Variants in EIF4ENIF1 observed in about 807,000 individuals in gnomAD.
The protein encoded by EIF4ENIF1 is eukaryotic translation initiation factor 4E nuclear import factor 1.
Under a neutral mutation model 110.5 loss-of-function variants are expected in EIF4ENIF1, and 23 were observed. That is an observed-to-expected ratio of 0.21 (90% CI 0.15 to 0.29). The LOEUF is 0.29. EIF4ENIF1 is among the 10% of genes least tolerant of loss of function. The pLI is 1.00. For synonymous variants in EIF4ENIF1, 440 were observed against 437.0 expected (o/e 1.01, Z -0.09); for missense variants, 1,031 against 1,221.1 (o/e 0.84, Z 2.32).
intron 6 of EIF4ENIF1, among the ~76,000 whole-genome samples, chr22:31,459,285 C>T (rs964822587): frequency 6.6e-6 from 1 of 151,960 alleles, no homozygotes; most frequent in African/African-American, 2.4e-5. Flanking sequence ...TTGCAAGTCT[C>T]TTACTGCTTA....
chr22:31,438,475 A>G (rs963569383), downstream of EIF4ENIF1, among the ~76,000 whole-genome samples: 2 of 152,236 alleles, frequency 1.3e-5, no homozygotes, highest in East Asian at 3.8e-4. Context: ...CTCTGAGCTT[A>G]GAGAAACAGG....
intron 2 of EIF4ENIF1, among the ~76,000 whole-genome samples, chr22:31,487,139 C>T (rs964891541): frequency 3.3e-5 from 5 of 151,940 alleles, no homozygotes; most frequent in African/African-American, 1.2e-4. Flanking sequence ...TCAGAATTCA[C>T]CTGTCAGCAT....
intron 2 of EIF4ENIF1, among the ~76,000 whole-genome samples, chr22:31,474,241 A>G (rs757061826): frequency 1.8e-4 from 27 of 151,926 alleles, no homozygotes; most frequent in Non-Finnish European, 3.7e-4. Flanking sequence ...TTGTATTTTT[A>G]GTAGAGACGG....
chr22:31,491,481 C>T (rs150599196), upstream of EIF4ENIF1, among the ~76,000 whole-genome samples: 1,432 of 152,162 alleles, frequency 9.4e-3, 73 homozygotes, highest in Admixed American at 0.083. Context: ...CCTGGATCTC[C>T]CTTTCCTCAT....
chr22:31,450,742 TCATATATACACACATACATATATACATA>T, intron 10 of EIF4ENIF1: 1 of 138,656 alleles, frequency 7.2e-6, no homozygotes, highest in Non-Finnish European at 1.5e-5. Flanking sequence ...ACACACACAC[TCATATATACACACATACATATATACATA>T]CATATATACA....
chr22:31,440,714 T>G lies in EIF4ENIF1; in HGVS notation c.2706A>C (p.Leu902=). The G allele has an allele frequency of 6.2e-7, 1 of 1,613,862 alleles. No homozygotes were observed. Among genetic ancestry groups the G allele is most frequent in the Non-Finnish European group, 8.5e-7 (1 of 1,179,820 alleles). ...CATTCCTGAACCTACCTGAGCGCTG[T>G]AGCTGCTGTTGCACCATTGCCAGAT... ...PLHLAMVQQQ[L]QRSVLHPPGS... Residue 902 remains leucine (L), a synonymous_variant, in exon 18 of 19, where the codon CTA becomes CTC. Transcript: ENST00000330125.
At chr22:31,490,978 A>G (rs918950054), upstream of EIF4ENIF1, among the ~76,000 whole-genome samples, 1 of 152,170 alleles carries the variant, frequency 6.6e-6, no homozygotes, top group Admixed American at 6.5e-5. Context: ...TTGGCAACAG[A>G]AAACTTTTCG....
chr22:31,447,526 G>A lies in EIF4ENIF1; in HGVS notation c.1888C>T (p.Leu630=). 3.1e-6 allele frequency: 5 copies of A among 1,612,010 alleles called. No homozygotes were observed. Among genetic ancestry groups the A allele is most frequent in the Non-Finnish European group, 3.4e-6 (4 of 1,178,884 alleles). Residue 630 remains leucine (L), a synonymous_variant, in exon 14 of 19, where the codon CTG becomes TTG. Transcript: ENST00000330125. The part of the protein sequence containing the change: ...LELQQAALEG[L]ALPHDLAVQA... Reference sequence around the variant, plus strand: ...ACAGCAAGGTCATGTGGCAAGGCCAGCCCTTCTAAAGCTGCCTGTTGCAAC... The same window carrying A: ...ACAGCAAGGTCATGTGGCAAGGCCAACCCTTCTAAAGCTGCCTGTTGCAAC...
intron 10 of EIF4ENIF1, among the ~76,000 whole-genome samples, chr22:31,452,836 T>G (rs1017554784): frequency 3.3e-5 from 5 of 152,234 alleles, no homozygotes; most frequent in African/African-American, 1.2e-4. Context: ...AAGAAGTCAG[T>G]CTACCTATCT....
At chr22:31,450,503 G>A (rs2050613160) in intron 10 of EIF4ENIF1, 143 bp from the exon 11 acceptor site, 7 of 585,424 alleles carry the variant, frequency 1.2e-5, no homozygotes, top group African/African-American at 1.9e-5. Context: ...TTAGACCAAC[G>A]TGTTCCGCTC....
upstream of EIF4ENIF1, among the ~76,000 whole-genome samples, chr22:31,490,188 G>T (rs76857900): frequency 6.6e-6 from 1 of 152,248 alleles, no homozygotes; most frequent in Admixed American, 6.5e-5. Context: ...GCGACTCGCG[G>T]CACGCCACTC....
chr22:31,484,779 C>T (rs527588792), intron 2 of EIF4ENIF1, among the ~76,000 whole-genome samples: 5 of 152,236 alleles, frequency 3.3e-5, no homozygotes, highest in East Asian at 1.9e-4. Flanking sequence ...TTGCGGTGAG[C>T]GGAGATGGCG....
At chr22:31,452,209 A>G (rs1422376553) in intron 10 of EIF4ENIF1, among the ~76,000 whole-genome samples, 1 of 152,234 alleles carries the variant, frequency 6.6e-6, no homozygotes, top group Non-Finnish European at 1.5e-5. Flanking sequence ...ATAGTATACA[A>G]AACATACACA....
At position 31,444,637 on chromosome 22, in the gene EIF4ENIF1, G is replaced by A. The variant is rs1307326470; in HGVS notation, c.2042C>T (p.Ser681Phe). ...PAPVHRGNSS[S>F]PAPAASITSM... ...TGTGATGGAGGCAGCAGGGGCAGGGGAAGAGGAATTCCCTCGATGCACGGG... is the reference window on the plus strand; with the variant it reads ...TGTGATGGAGGCAGCAGGGGCAGGGAAAGAGGAATTCCCTCGATGCACGGG... Residue 681 changes from serine (S) to phenylalanine (F), a missense_variant, in exon 15 of 19, where the codon TCC becomes TTC. Ser to Phe is a radical substitution (Grantham distance 155). Around this residue, in one of 3 missense-constraint regions of EIF4ENIF1, gnomAD observed 704 missense variants for 879.7 expected, o/e 0.80. Coordinates refer to ENST00000330125, the MANE Select transcript of EIF4ENIF1 (RefSeq NM_019843.4). 1.2e-6 allele frequency: 2 copies of A among 1,614,028 alleles called. No homozygotes were observed. Among genetic ancestry groups the A allele is most frequent in the Non-Finnish European group, 1.7e-6 (2 of 1,180,000 alleles).
chr22:31,463,713 G>A lies in EIF4ENIF1; in HGVS notation c.553C>T (p.Arg185Ter). Reference protein sequence around the residue: ...KDLRDLRDRDRERDFKDKRFR... With the variant: ...KDLRDLRDRD ...CGCTTGTCCTTGAAGTCCCTCTCTC[G>A]GTCTCTGTCTCTCAAGTCCCGCAGG... The change falls in exon 5 of 19, where the codon CGA becomes TGA. Residue 185 changes from arginine to a stop codon, truncating the protein, a stop_gained. Coordinates refer to ENST00000330125, the MANE Select transcript of EIF4ENIF1 (RefSeq NM_019843.4). LOFTEE classifies it high-confidence loss of function. 2 of 1,611,520 alleles carry A rather than the reference G, an allele frequency of 1.2e-6. No individual in the cohort carries two copies. Among genetic ancestry groups the A allele is most frequent in the Non-Finnish European group, 8.5e-7 (1 of 1,179,562 alleles).
At chr22:31,482,165 CAAA>C (rs34248099) in intron 2 of EIF4ENIF1, among the ~76,000 whole-genome samples, 11 of 115,150 alleles carry the variant, frequency 9.6e-5, no homozygotes, top group African/African-American at 2.5e-4. Context: ...GAGCCTGTCT[CAAA>C]AAAAAAAAAA....
At chr22:31,467,181 A>G (rs1341381781) in intron 4 of EIF4ENIF1, among the ~76,000 whole-genome samples, 1 of 152,194 alleles carries the variant, frequency 6.6e-6, no homozygotes, top group Non-Finnish European at 1.5e-5. Context: ...TCATTTTAAT[A>G]AAGTCTCTGC....
intron 4 of EIF4ENIF1, among the ~76,000 whole-genome samples, chr22:31,466,719 T>G (rs1238028288): frequency 1.3e-5 from 2 of 151,976 alleles, no homozygotes; most frequent in Non-Finnish European, 2.9e-5. Context: ...TTATGTTGAT[T>G]TTGGTAACGG....
chr22:31,447,289 TTGGATTGGGA>T (rs1411150625), intron 14 of EIF4ENIF1, 127 bp downstream of exon 14: 1 of 1,011,608 alleles, frequency 9.9e-7, no homozygotes, highest in East Asian at 2.6e-5. Flanking sequence ...TTCTATTGAT[TTGGATTGGGA>T]TGGAATTTCT....
Sources: allele counts gnomAD v4.1 joint callset (sites outside exome capture counted in the v4.1 genomes callset), GRCh38; gene constraint gnomAD v4.1.1; regional missense constraint gnomAD v4.1.1; transcripts MANE v1.5; gene names NCBI Gene and HGNC (gene_info 2026-07-23, HGNC 2026-07-21).